The following ZNF438 variants were observed in gnomAD, a reference collection of about 807,000 sequenced individuals.
ZNF438 encodes zinc finger protein 438.
In ZNF438, 25 loss-of-function variants were observed where a neutral mutation model predicts 38.0. The observed-to-expected ratio is 0.66, with a 90% confidence interval of 0.48 to 0.92. ZNF438 has a LOEUF of 0.92. Among genes scored for constraint, ZNF438 ranks in the 40% least tolerant of loss-of-function variants. The pLI is 0.00. For missense variants in ZNF438, 1,007 were observed against 999.6 expected (o/e 1.01, Z -0.10); for synonymous variants, 372 against 364.1 (o/e 1.02, Z -0.25).
intron 3 of ZNF438, among the ~76,000 whole-genome samples, chr10:30,882,521 G>C (rs1248438811): frequency 2.0e-5 from 3 of 152,168 alleles, no homozygotes; most frequent in African/African-American, 7.2e-5. Context: ...CATTTTAAAG[G>C]AACTGTTGAC....
At chr10:30,912,710 T>C (rs574599779) in intron 2 of ZNF438, among the ~76,000 whole-genome samples, 10 of 152,226 alleles carry the variant, frequency 6.6e-5, no homozygotes, top group South Asian at 6.2e-4. Context: ...ACAAGTCTCT[T>C]AACATTTCTG....
intron 5 of ZNF438, among the ~76,000 whole-genome samples, 164 bp downstream of exon 6, chr10:30,848,366 GA>G (rs1035812389): frequency 6.6e-6 from 1 of 152,142 alleles, no homozygotes; most frequent in African/African-American, 2.4e-5. Flanking sequence ...AAACCAGAGA[GA>G]AACAAGATCA....
chr10:30,939,909 C>G (rs1222103687), intron 2 of ZNF438, among the ~76,000 whole-genome samples: 1 of 152,192 alleles, frequency 6.6e-6, no homozygotes, highest in Non-Finnish European at 1.5e-5. Context: ...GAGAACCTAA[C>G]CACTATTTAT....
At chr10:31,021,178 A>C (rs2056568467) in intron 1 of ZNF438, among the ~76,000 whole-genome samples, 1 of 152,096 alleles carries the variant, frequency 6.6e-6, no homozygotes, top group Non-Finnish European at 1.5e-5. Context: ...TACATACATA[A>C]ATACAGACAG....
rs80218856 is a variant in ZNF438, at chr10:30,925,013, G to A, written c.-114-15998C>T. On this transcript the variant is annotated intron_variant, in intron 2 of 5. Coordinates refer to ENST00000413025, the Ensembl canonical transcript of ZNF438. ...GTTGTTGCTGCTCGTCTATAGAAAC[G>A]CAATTGGGTTCCCTATATTGACTTT... Among the ~76,000 whole-genome samples the A allele has an allele frequency of 9.9e-3, 1,511 of 152,186 alleles. 23 individuals carry two copies. Among genetic ancestry groups the A allele is most frequent in the African/African-American group, 0.034 (1,401 of 41,506 alleles).
intron 2 of ZNF438, among the ~76,000 whole-genome samples, chr10:30,929,206 T>C (rs1035022295): frequency 5.3e-5 from 8 of 152,150 alleles, no homozygotes; most frequent in Non-Finnish European, 4.4e-5. Flanking sequence ...TGTCTGAAAT[T>C]GGTGGGTTCT....
At chr10:31,000,189 C>A (rs1168072046) in intron 1 of ZNF438, among the ~76,000 whole-genome samples, 7 of 152,138 alleles carry the variant, frequency 4.6e-5, no homozygotes, top group Admixed American at 2.6e-4. Context: ...CACCCCATCC[C>A]CCTGCCCAAG....
chr10:30,988,013 T>C (rs1372563570), intron 1 of ZNF438, among the ~76,000 whole-genome samples: 1 of 152,212 alleles, frequency 6.6e-6, no homozygotes, highest in African/African-American at 2.4e-5. Flanking sequence ...GCCTACAATT[T>C]AGCAGCATCT....
intron 1 of ZNF438, among the ~76,000 whole-genome samples, chr10:30,982,745 T>G (rs1315446223): frequency 6.6e-6 from 1 of 152,204 alleles, no homozygotes; most frequent in Non-Finnish European, 1.5e-5. Flanking sequence ...AAAAGTTACA[T>G]AAGAGTTTCA....
intron 4 of ZNF438, among the ~76,000 whole-genome samples, chr10:30,876,174 G>A (rs1266310137): frequency 6.6e-6 from 1 of 152,122 alleles, no homozygotes; most frequent in East Asian, 1.9e-4. Flanking sequence ...GAGATCAAAG[G>A]GTGTTTGCTC....
At chr10:30,965,900 TA>T (rs1422382944) in intron 1 of ZNF438, among the ~76,000 whole-genome samples, 1 of 152,198 alleles carries the variant, frequency 6.6e-6, no homozygotes, top group African/African-American at 2.4e-5. Flanking sequence ...GTGGCACATG[TA>T]ACCCCTGAAT....
intron 1 of ZNF438, among the ~76,000 whole-genome samples, chr10:30,951,615 A>G (rs1444045369): frequency 6.6e-6 from 1 of 152,234 alleles, no homozygotes; most frequent in Non-Finnish European, 1.5e-5. Context: ...ACAGACAAAC[A>G]GAGAGCCAAA....
At chr10:30,938,191 T>C (rs957581926) in intron 2 of ZNF438, among the ~76,000 whole-genome samples, 7 of 152,152 alleles carry the variant, frequency 4.6e-5, no homozygotes, top group Non-Finnish European at 8.8e-5. Context: ...TTAACCACTC[T>C]GCTCCGCTCA....
intron 1 of ZNF438, among the ~76,000 whole-genome samples, chr10:31,010,145 A>G (rs926786216): frequency 6.6e-6 from 1 of 152,066 alleles, no homozygotes; most frequent in African/African-American, 2.4e-5. Context: ...CAGTGCCCGG[A>G]CTTGTCAATC....
chr10:30,867,379 A>G (rs1303802933), intron 4 of ZNF438, among the ~76,000 whole-genome samples: 2 of 152,168 alleles, frequency 1.3e-5, no homozygotes, highest in African/African-American at 4.8e-5. Context: ...GGTTTTTGTC[A>G]TTAGTTTTAT....
intron 1 of ZNF438, among the ~76,000 whole-genome samples, chr10:31,026,089 C>T (rs2056918937): frequency 6.6e-6 from 1 of 152,212 alleles, no homozygotes; most frequent in South Asian, 2.1e-4. Context: ...AAAATTAATT[C>T]AAGATGGATT....
At chr10:30,877,594 C>T (rs1331157109) in intron 3 of ZNF438, among the ~76,000 whole-genome samples, 1 of 151,958 alleles carries the variant, frequency 6.6e-6, no homozygotes, top group Admixed American at 6.6e-5. Flanking sequence ...TACAAATACA[C>T]AAAAAATAAA....
intron 1 of ZNF438, among the ~76,000 whole-genome samples, chr10:31,019,874 C>A (rs373620397): frequency 6.6e-6 from 1 of 151,944 alleles, no homozygotes; most frequent in Non-Finnish European, 1.5e-5. Flanking sequence ...GAAATCCATA[C>A]GAGTAAATGA....
intron 4 of ZNF438, among the ~76,000 whole-genome samples, chr10:30,870,584 G>A (rs1232343813): frequency 6.6e-6 from 1 of 151,988 alleles, no homozygotes; most frequent in Non-Finnish European, 1.5e-5. Flanking sequence ...GCTTTGTTGG[G>A]GCATGAGTTA....
Sources: gnomAD v4.1 joint callset for allele counts (sites outside exome capture counted in the v4.1 genomes callset) on GRCh38, gnomAD v4.1.1 for gene constraint, MANE v1.5 for transcripts, NCBI Gene and HGNC (gene_info 2026-07-23, HGNC 2026-07-21) for gene names.